SDCBP: variants seen among roughly 807,000 people sequenced by gnomAD.
SDCBP encodes the protein syntenin-1.
In SDCBP, 22 loss-of-function variants were observed where a neutral mutation model predicts 30.5. The ratio of observed to expected loss-of-function variants is 0.72; its 90% confidence interval spans 0.52 to 1.03. SDCBP has a LOEUF of 1.03. Ranked by LOEUF, SDCBP falls within the 50% of genes least tolerant of loss-of-function variation. The probability of loss-of-function intolerance (pLI) is 0.00; values close to 1 mark genes in which losing one functional copy is unlikely to be tolerated. For missense variants in SDCBP, 304 were observed against 369.9 expected (o/e 0.82, Z 1.46); for synonymous variants, 103 against 118.7 (o/e 0.87, Z 0.86).
intron 5 of SDCBP, 24 bp downstream of exon 5, chr8:58,576,085 G>T: frequency 1.3e-6 from 2 of 1,527,526 alleles, no homozygotes; most frequent in South Asian, 2.3e-5. Context: ...ATACCTATTT[G>T]AATTTGTCTA....
chr8:58,557,812 T>C (rs894587150), intron 1 of SDCBP, among the ~76,000 whole-genome samples: 2 of 152,162 alleles, frequency 1.3e-5, no homozygotes, highest in Non-Finnish European at 2.9e-5. Context: ...TTTATCTTCT[T>C]AGTGATTACT....
At chr8:58,580,663 A>T (rs1805641749) in intron 8 of SDCBP, 55 bp downstream of exon 8, 1 of 915,504 alleles carries the variant, frequency 1.1e-6, no homozygotes, top group Non-Finnish European at 1.8e-6. Flanking sequence ...TAATATAAGC[A>T]CTATACTTTA....
At chr8:58,567,867 G>C (rs1026606889) in intron 2 of SDCBP, among the ~76,000 whole-genome samples, 2 of 152,108 alleles carry the variant, frequency 1.3e-5, no homozygotes, top group African/African-American at 4.8e-5. Context: ...ACACAGAAAA[G>C]GTATGGTAAA....
In SDCBP at chr8:58,578,178, G is replaced by C; in HGVS notation, c.548G>C (p.Gly183Ala). 6.3e-7 allele frequency: 1 copy of C among 1,590,864 alleles called. No individual in the cohort carries two copies. The highest frequency in any genetic ancestry group is 8.5e-7 in the Non-Finnish European group (1 of 1,170,686). The change falls in exon 6 of 9, where the codon GGA (glycine) becomes GCA (alanine). Residue 183 changes from glycine (G) to alanine (A), a missense_variant. Gly to Ala is a moderately conservative substitution (Grantham distance 60). Transcript: ENST00000260130. ...KAHKVLKQAF[G>A]EKITMTIRDR... is the part of the protein sequence containing the mutation. The stretch of plus-strand genomic sequence containing the variant: ...CACAAGGTGCTCAAACAGGCTTTTG[G>C]AGAGAAGATTACCATGACCATTCGT...
intron 8 of SDCBP, among the ~76,000 whole-genome samples, chr8:58,581,359 A>G (rs1306867780): frequency 6.6e-6 from 1 of 152,150 alleles, no homozygotes; most frequent in Admixed American, 6.5e-5. Flanking sequence ...CTTTTCTTAA[A>G]TCACTGATGG....
At chr8:58,566,707 G>A (rs987505379) in intron 2 of SDCBP, among the ~76,000 whole-genome samples, 9 of 152,004 alleles carry the variant, frequency 5.9e-5, no homozygotes, top group Non-Finnish European at 1.0e-4. Flanking sequence ...TTTCTAAGGT[G>A]GATGATACTC....
At chr8:58,561,752 T>C (rs1004033228) in intron 1 of SDCBP, 2 of 682,832 alleles carry the variant, frequency 2.9e-6, no homozygotes, top group Non-Finnish European at 2.6e-6. Context: ...AATTAAATGA[T>C]AAAGCTATGG....
Position 58,581,919 on chromosome 8 carries a change from A to G in SDCBP, c.*179A>G, listed in dbSNP as rs927004776. Reference sequence around the variant, plus strand: ...ATCTGATACCTTGTTCAGATTTCAAAATAGTTGTAGCCTTATCCTGGTTTT... The same window carrying G: ...ATCTGATACCTTGTTCAGATTTCAAGATAGTTGTAGCCTTATCCTGGTTTT... On this transcript the variant is annotated 3_prime_UTR_variant, in exon 9 of 9. Transcript: ENST00000260130. 25 of 580,316 alleles carry G rather than the reference A, an allele frequency of 4.3e-5. No homozygotes were observed. Among genetic ancestry groups the G allele is most frequent in the African/African-American group, 3.6e-4 (19 of 52,828 alleles). 35.9% of individuals were successfully genotyped at this position (580,316 alleles called of 1,614,324 possible). A position where few individuals can be genotyped will look rare whatever the true frequency, so the allele number is the denominator to read the frequency against.
At chr8:58,573,205 A>T (rs1805129555) in intron 4 of SDCBP, among the ~76,000 whole-genome samples, 1 of 152,138 alleles carries the variant, frequency 6.6e-6, no homozygotes, top group Admixed American at 6.5e-5. Context: ...ATAACCTTTT[A>T]TTAAGGTTAT....
intron 1 of SDCBP, among the ~76,000 whole-genome samples, chr8:58,554,788 C>G (rs1308400299): frequency 6.6e-6 from 1 of 152,148 alleles, no homozygotes; most frequent in African/African-American, 2.4e-5. Flanking sequence ...CCCCAAATAA[C>G]TTTGAAATAC....
At chr8:58,560,005 G>C (rs1804350895) in intron 1 of SDCBP, among the ~76,000 whole-genome samples, 1 of 152,168 alleles carries the variant, frequency 6.6e-6, no homozygotes, top group Admixed American at 6.5e-5. Context: ...CCAAGGGTCT[G>C]GTTTTTATTT....
At chr8:58,557,238 T>C (rs1291695942) in intron 1 of SDCBP, among the ~76,000 whole-genome samples, 1 of 129,334 alleles carries the variant, frequency 7.7e-6, no homozygotes, top group Non-Finnish European at 1.5e-5. Flanking sequence ...GAAAATGATA[T>C]TAATTTTAAT....
intron 8 of SDCBP, 138 bp downstream of exon 8, chr8:58,580,746 T>A: frequency 1.6e-6 from 1 of 612,220 alleles, no homozygotes; most frequent in Non-Finnish European, 2.9e-6. Flanking sequence ...AAGTAAGTTA[T>A]TTAAATCAGA....
chr8:58,569,482 C>G (rs4400366), intron 2 of SDCBP, among the ~76,000 whole-genome samples: 62,793 of 152,084 alleles, frequency 0.41, 13,828 homozygotes, highest in African/African-American at 0.57. Flanking sequence ...TTAAAGGCCT[C>G]AGCCACTGTG....
At chr8:58,569,156 C>A (rs541377115) in intron 2 of SDCBP, among the ~76,000 whole-genome samples, 1 of 151,200 alleles carries the variant, frequency 6.6e-6, no homozygotes, top group East Asian at 2.0e-4. Flanking sequence ...ATTCTCCCTG[C>A]CTCAGCCTCC....
At chr8:58,579,092 C>T (rs1805521616) in intron 6 of SDCBP, among the ~76,000 whole-genome samples, 1 of 152,140 alleles carries the variant, frequency 6.6e-6, no homozygotes, top group African/African-American at 2.4e-5. Context: ...TGCATGCCTC[C>T]CTTTCCAAAG....
chr8:58,557,466 T>G (rs1804210723), intron 1 of SDCBP, among the ~76,000 whole-genome samples: 1 of 135,848 alleles, frequency 7.4e-6, no homozygotes, highest in African/African-American at 2.7e-5. Flanking sequence ...ATAATACATA[T>G]TATATATGTT....
Position 58,565,055 on chromosome 8 carries a change from G to A in SDCBP, c.22G>A (p.Glu8Lys), listed in dbSNP as rs771184646. Residue 8 changes from glutamate to lysine, a missense_variant, in exon 2 of 9, where the codon GAA becomes AAA. Glu to Lys is a moderately conservative substitution (Grantham distance 56). Transcript: ENST00000260130. MSLYPSL[E>K]DLKVDKVIQA... ...AAAAATGTCTCTCTATCCATCTCTC[G>A]AAGACTTGAAGGTAGACAAAGTAAT... 1.3e-5 allele frequency: 20 copies of A among 1,590,624 alleles called. No individual in the cohort carries two copies. The highest frequency in any genetic ancestry group is 6.8e-5 in the African/African-American group (5 of 73,734).
intron 8 of SDCBP, 120 bp downstream of exon 8, chr8:58,580,728 GA>G (rs969872807): frequency 1.6e-6 from 1 of 627,052 alleles, no homozygotes; most frequent in African/African-American, 1.9e-5. Context: ...GTTTTATCTA[GA>G]AATTTGAAGT....
Sources: gnomAD v4.1 joint callset for allele counts (sites outside exome capture counted in the v4.1 genomes callset) on GRCh38, gnomAD v4.1.1 for gene constraint, MANE v1.5 for transcripts, NCBI Gene and HGNC (gene_info 2026-07-23, HGNC 2026-07-21) for gene names.